Variants in BAHCC1 observed in about 807,000 individuals in gnomAD.
BAHCC1 encodes BAH domain and coiled-coil containing 1.
In BAHCC1, 43 loss-of-function variants were observed where a neutral mutation model predicts 88.2. That is an observed-to-expected ratio of 0.49 (90% CI 0.38 to 0.63). The LOEUF is 0.63. BAHCC1 is among the 20% of genes least tolerant of loss of function. BAHCC1 has a pLI of 0.00. For synonymous variants in BAHCC1, 1,510 were observed against 745.5 expected, an observed-to-expected ratio of 2.03 and a Z score of -16.71; for missense variants, 3,023 against 1,654.8, an observed-to-expected ratio of 1.83 and a Z score of -14.34.
chr17:81,441,668 CA>C (rs11333301), intron 4 of BAHCC1, among the ~76,000 whole-genome samples, 162 bp from the exon 5 acceptor site: 40,054 of 91,454 alleles, frequency 0.44, 5,499 homozygotes, highest in Middle Eastern at 0.49. Flanking sequence ...GACTCCGTCT[CA>C]AAAAAAAAAA....
At position 81,464,023 on chromosome 17, in the gene BAHCC1, T is replaced by C. The variant is rs984269215; in HGVS notation, c.*206T>C. ...GGTGTCGGAATCCAGTCCCGTCCCA[T>C]CCTCTGCGGAGGGTCGGGCTGTGGC... On this transcript the variant is annotated 3_prime_UTR_variant, in exon 28 of 28. Coordinates refer to ENST00000675386, the MANE Select transcript of BAHCC1 (RefSeq NM_001377448.1). The C allele has an allele frequency of 1.7e-6, 1 of 594,080 alleles. No individual in the cohort carries two copies. Among genetic ancestry groups the C allele is most frequent in the African/African-American group, 1.9e-5 (1 of 53,778 alleles). The allele number at this position is 594,080 out of a possible 1,614,324, so 36.8% of individuals were successfully genotyped here.
intron 2 of BAHCC1, among the ~76,000 whole-genome samples, chr17:81,424,094 T>C (rs2143379125): frequency 6.6e-6 from 1 of 152,332 alleles, no homozygotes; most frequent in Admixed American, 6.5e-5. Context: ...CCACCCTTCC[T>C]TCCTCTGTCC....
rs979247351 is a variant in BAHCC1, at chr17:81,462,787, C to T, written c.7431C>T (p.Ile2477=). The T allele has an allele frequency of 1.0e-5, 8 of 778,802 alleles. No individual in the cohort carries two copies. Among genetic ancestry groups the T allele is most frequent in the Middle Eastern group, 2.2e-4 (1 of 4,452 alleles). 48.2% of individuals were successfully genotyped at this position (778,802 alleles called of 1,614,324 possible). The part of the protein sequence containing the change: ...GKARKLFYKA[I]VRGEETLRVG... The stretch of plus-strand genomic sequence containing the variant: ...CCCGGAAGCTGTTCTACAAGGCCAT[C>T]GTGCGGGGCGAGGAGACCCTGCGTG... The change falls in exon 27 of 28, where the codon ATC becomes ATT. Residue 2477 remains isoleucine (I), a synonymous_variant. Transcript: ENST00000675386.
chr17:81,430,031 CGA>C (rs2064242679), intron 3 of BAHCC1, among the ~76,000 whole-genome samples: 1 of 152,128 alleles, frequency 6.6e-6, no homozygotes, highest in African/African-American at 2.4e-5. Flanking sequence ...GCAGCTTACC[CGA>C]GGCTCGCGCT....
chr17:81,419,567 G>A (rs916537182), intron 2 of BAHCC1, among the ~76,000 whole-genome samples: 7 of 152,178 alleles, frequency 4.6e-5, no homozygotes, highest in African/African-American at 7.2e-5. Context: ...TGTGGGGAGC[G>A]GGGAAGGTGT....
At chr17:81,441,233 G>A (rs546363229) in intron 4 of BAHCC1, among the ~76,000 whole-genome samples, 10 of 152,328 alleles carry the variant, frequency 6.6e-5, no homozygotes, top group South Asian at 2.1e-4. Flanking sequence ...ACTGCGGTTC[G>A]GGGAGGTGAG....
intron 25 of BAHCC1, 32 bp downstream of exon 25, chr17:81,460,738 G>A (rs781864358): frequency 8.0e-5 from 62 of 776,382 alleles, no homozygotes; most frequent in Middle Eastern, 2.3e-4. Context: ...AATCCGGATC[G>A]GGGAAGGCAC....
At chr17:81,426,465 T>G (rs2064201267) in intron 2 of BAHCC1, among the ~76,000 whole-genome samples, 2 of 140,346 alleles carry the variant, frequency 1.4e-5, no homozygotes, top group African/African-American at 2.7e-5. Context: ...GGTGATGTGG[T>G]TGGGGGTGAT....
rs782268505 is a variant in BAHCC1, at chr17:81,463,707, G to T, written c.7717G>T (p.Ala2573Ser). The change falls in exon 28 of 28, where the codon GCC becomes TCC. Residue 2573 changes from alanine to serine, a missense_variant. Transcript: ENST00000675386. ...VVAREQYEQM[A>S]RSRKCQDRQD... The stretch of plus-strand genomic sequence containing the variant: ...GGCGCGCGAGCAGTATGAGCAGATG[G>T]CCCGGAGCCGCAAGTGCCAGGACCG... The T allele has an allele frequency of 9.0e-6, 7 of 779,446 alleles. No individual in the cohort carries two copies. The highest frequency in any genetic ancestry group is 2.7e-5 in the South Asian group (2 of 74,622). The allele number at this position is 779,446 out of a possible 1,614,324, so 48.3% of individuals were successfully genotyped here.
chr17:81,400,054 G>A (rs1207682130), intron 2 of BAHCC1, 137 bp downstream of exon 2: 26 of 777,492 alleles, frequency 3.3e-5, no homozygotes, highest in Non-Finnish European at 4.0e-5. Flanking sequence ...TGGGCGCTGA[G>A]CGGGGCCGCG....
intron 2 of BAHCC1, among the ~76,000 whole-genome samples, chr17:81,424,651 A>C (rs1056198046): frequency 6.9e-6 from 1 of 145,604 alleles, no homozygotes; most frequent in African/African-American, 2.6e-5. Flanking sequence ...GGTTGGTGGT[A>C]ATGGTAGTGG....
Position 81,442,177 on chromosome 17 carries a change from C to T in BAHCC1, c.828C>T (p.Arg276=), listed in dbSNP as rs1555652687. The T allele has an allele frequency of 1.5e-6, 1 of 655,698 alleles. No individual in the cohort carries two copies. Among genetic ancestry groups the T allele is most frequent in the South Asian group, 1.7e-5 (1 of 58,132 alleles). The allele number at this position is 655,698 out of a possible 1,614,324, so 40.6% of individuals were successfully genotyped here. A position where few individuals can be genotyped will look rare whatever the true frequency, so the allele number is the denominator to read the frequency against. The part of the protein sequence containing the change: ...GPAPRGACEG[R]PKHLTSCLLN... The stretch of plus-strand genomic sequence containing the variant: ...CACCCCGAGGGGCCTGCGAGGGCCG[C>T]CCCAAGCACCTCACCTCCTGCCTCC... Residue 276 remains arginine, a synonymous_variant, in exon 5 of 28, where the codon CGC becomes CGT. Coordinates refer to ENST00000675386, the MANE Select transcript of BAHCC1 (RefSeq NM_001377448.1).
At chr17:81,453,641 G>A (rs573699355) in intron 14 of BAHCC1, among the ~76,000 whole-genome samples, 1 of 151,906 alleles carries the variant, frequency 6.6e-6, no homozygotes, top group Non-Finnish European at 1.5e-5. Context: ...CTGGGGGGGG[G>A]TCTCCTGGGG....
At chr17:81,460,123 C>T (rs909526857) in intron 23 of BAHCC1, among the ~76,000 whole-genome samples, 154 bp from the exon 24 acceptor site, 4 of 152,220 alleles carry the variant, frequency 2.6e-5, no homozygotes, top group East Asian at 1.9e-4. Context: ...GGCCCCCGCT[C>T]CTGGGCTGCA....
chr17:81,441,210 T>A (rs1168665784), intron 4 of BAHCC1, among the ~76,000 whole-genome samples: 1 of 152,092 alleles, frequency 6.6e-6, no homozygotes, highest in Non-Finnish European at 1.5e-5. Context: ...GGTGAGTGTT[T>A]CACGGGGACA....
At position 81,412,494 on chromosome 17, in the gene BAHCC1, G is replaced by A. The variant is rs180752563; in HGVS notation, c.178+12577G>A. ...CTTAGCAGAAATCCAAAGTGCCTAA[G>A]TCTGGAGGGCCTCAGGTGGGAGGCG... On this transcript the variant is annotated intron_variant, in intron 2 of 27. Coordinates refer to ENST00000675386, the MANE Select transcript of BAHCC1 (RefSeq NM_001377448.1). 2.4e-3 allele frequency among the ~76,000 whole-genome samples: 370 copies of A among 152,350 alleles called. 23 individuals carry two copies. The South Asian group carries it at 0.041, about 17-fold the overall frequency.
chr17:81,458,899 AGAG>A lies in BAHCC1; in HGVS notation c.5544_5546del (p.Glu1848del), dbSNP rs2029991505. ...TCGACGACAACAGCAGCTTCTCGGA[AGAG>A]GAGGAGGACGAGGAGGAAGAGGAGG... On this transcript the variant is annotated inframe_deletion, in exon 20 of 28. Transcript: ENST00000675386. 2.6e-6 allele frequency: 2 copies of A among 774,040 alleles called. No homozygotes were observed. Among genetic ancestry groups the A allele is most frequent in the Non-Finnish European group, 4.8e-6 (2 of 414,124 alleles). 47.9% of individuals were successfully genotyped at this position (774,040 alleles called of 1,614,324 possible).
chr17:81,413,570 C>T (rs1299392428), intron 2 of BAHCC1, among the ~76,000 whole-genome samples: 4 of 152,256 alleles, frequency 2.6e-5, no homozygotes, highest in South Asian at 2.1e-4. Flanking sequence ...GGTGCAGTAT[C>T]GTCTCAGCAC....
In BAHCC1 at chr17:81,443,365, T is replaced by A; in HGVS notation, c.2016T>A (p.Ser672=). 1.3e-6 allele frequency: 1 copy of A among 777,746 alleles called. No homozygotes were observed. Among genetic ancestry groups the A allele is most frequent in the Non-Finnish European group, 2.4e-6 (1 of 417,140 alleles). The allele number at this position is 777,746 out of a possible 1,614,324, so 48.2% of individuals were successfully genotyped here. The change falls in exon 5 of 28, where the codon TCT becomes TCA. Residue 672 remains serine, a synonymous_variant. Transcript: ENST00000675386. ...AGCAGGAAGCAAAGTTCCTGTCCTCTAAGGGCCCAGGCCAGTCGGAGAGGC... is the reference window on the plus strand; with the variant it reads ...AGCAGGAAGCAAAGTTCCTGTCCTCAAAGGGCCCAGGCCAGTCGGAGAGGC... ...CIQQEAKFLS[S]KGPGQSERPD...
Sources: gnomAD v4.1 joint callset for allele counts (sites outside exome capture counted in the v4.1 genomes callset) on GRCh38, gnomAD v4.1.1 for gene constraint, MANE v1.5 for transcripts, NCBI Gene and HGNC (gene_info 2026-07-23, HGNC 2026-07-21) for gene names.